The following EYS variants were observed in gnomAD, a reference collection of about 807,000 sequenced individuals.
EYS encodes the protein protein eyes shut homolog.
Under a neutral mutation model 282.1 loss-of-function variants are expected in EYS, and 250 were observed. That is an observed-to-expected ratio of 0.89 (90% CI 0.80 to 0.98). The LOEUF is 0.98. EYS is among the 50% of genes least tolerant of loss of function. The pLI, the probability that EYS is intolerant of heterozygous loss-of-function variation, is 0.00. For synonymous variants in EYS, 1,355 were observed against 1,282.9 expected (o/e 1.06, Z -1.20); for missense variants, 4,016 against 3,709.0 (o/e 1.08, Z -2.15).
chr6:65,384,357 C>T (rs1364397512), intron 8 of EYS, 29 bp downstream of exon 8: 2 of 1,277,966 alleles, frequency 1.6e-6, no homozygotes, highest in Non-Finnish European at 2.3e-6. Flanking sequence ...GAAGGGCTAA[C>T]TTATGTTGCC....
intron 12 of EYS, among the ~76,000 whole-genome samples, chr6:65,270,027 A>C (rs1212083230): frequency 6.6e-6 from 1 of 152,186 alleles, no homozygotes; most frequent in African/African-American, 2.4e-5. Flanking sequence ...AAAGTTTAAA[A>C]TGCAAAGTCT....
At chr6:64,270,298 G>A (rs1767899930) in intron 30 of EYS, among the ~76,000 whole-genome samples, 1 of 151,432 alleles carries the variant, frequency 6.6e-6, no homozygotes, top group Admixed American at 6.6e-5. Flanking sequence ...GTGTCATGGT[G>A]TATATACTTA....
At chr6:64,115,421 G>A (rs1773346728) in intron 31 of EYS, among the ~76,000 whole-genome samples, 1 of 152,044 alleles carries the variant, frequency 6.6e-6, no homozygotes, top group South Asian at 2.1e-4. Context: ...GCTGGACCTG[G>A]CACCAAGAAG....
At position 64,269,820 on chromosome 6, in the gene EYS, T is replaced by C. The variant is rs919376022; in HGVS notation, c.6191+37150A>G. On this transcript the variant is annotated intron_variant, in intron 30 of 42. Coordinates refer to ENST00000503581, the MANE Select transcript of EYS (RefSeq NM_001142800.2). Reference sequence around the variant, plus strand: ...TATATTTTTAATACTGCTAACTCTTTAATACATTCAAAAGTATATATATGC... The same window carrying C: ...TATATTTTTAATACTGCTAACTCTTCAATACATTCAAAAGTATATATATGC... Among the ~76,000 whole-genome samples the C allele has an allele frequency of 4.6e-5, 7 of 152,088 alleles. No homozygotes were observed. The South Asian group carries it at 8.3e-4, about 18-fold the overall frequency.
intron 26 of EYS, among the ~76,000 whole-genome samples, chr6:64,589,393 G>T (rs1342223100): frequency 2.6e-5 from 4 of 151,968 alleles, no homozygotes; most frequent in Admixed American, 6.6e-5. Flanking sequence ...TAAGTTTATT[G>T]TCAAAGGAAA....
intron 30 of EYS, among the ~76,000 whole-genome samples, chr6:64,303,944 A>AG (rs1266202634): frequency 2.0e-5 from 3 of 151,852 alleles, no homozygotes; most frequent in African/African-American, 7.3e-5. Context: ...AAGGAATGTA[A>AG]GGGAGTTTAT....
chr6:64,839,895 C>T (rs868418246), intron 19 of EYS, among the ~76,000 whole-genome samples: 4 of 152,066 alleles, frequency 2.6e-5, no homozygotes, highest in South Asian at 2.1e-4. Context: ...GATTTAATCA[C>T]TTCCCCCCAA....
At chr6:65,532,943 C>T (rs1267513827) in intron 2 of EYS, among the ~76,000 whole-genome samples, 1 of 152,012 alleles carries the variant, frequency 6.6e-6, no homozygotes, top group Non-Finnish European at 1.5e-5. Flanking sequence ...AAAAATATCT[C>T]TACAATTTAT....
intron 26 of EYS, among the ~76,000 whole-genome samples, chr6:64,470,504 A>T (rs900397706): frequency 1.3e-5 from 2 of 152,198 alleles, no homozygotes; most frequent in Non-Finnish European, 2.9e-5. Context: ...CACAGACTAG[A>T]TCGGGGTGTC....
chr6:65,399,392 T>G (rs1766408560), intron 7 of EYS, among the ~76,000 whole-genome samples: 1 of 151,980 alleles, frequency 6.6e-6, no homozygotes, highest in Non-Finnish European at 1.5e-5. Context: ...AAATCATTAT[T>G]ATAAACAAAT....
intron 26 of EYS, among the ~76,000 whole-genome samples, chr6:64,444,121 TTATC>T: frequency 6.6e-6 from 1 of 152,290 alleles, no homozygotes; most frequent in Non-Finnish European, 1.5e-5. Context: ...ATTTCTGAGA[TTATC>T]AATAGAAAAT....
At chr6:65,637,005 G>A (rs1005504431) in intron 2 of EYS, among the ~76,000 whole-genome samples, 17 of 152,020 alleles carry the variant, frequency 1.1e-4, no homozygotes, top group African/African-American at 3.1e-4. Flanking sequence ...ATTTTGTAGC[G>A]ATGGCATCCC....
intron 12 of EYS, among the ~76,000 whole-genome samples, chr6:65,092,185 G>A (rs1008960017): frequency 9.2e-5 from 14 of 151,988 alleles, no homozygotes; most frequent in Non-Finnish European, 1.3e-4. Context: ...ACTCAAGAAC[G>A]AAAATGAATA....
intron 19 of EYS, among the ~76,000 whole-genome samples, chr6:64,849,038 C>T (rs976018631): frequency 1.3e-5 from 2 of 151,780 alleles, no homozygotes; most frequent in Non-Finnish European, 2.9e-5. Context: ...CTAAATAATC[C>T]CTCCACACTA....
chr6:64,554,022 A>G (rs1765168579), intron 26 of EYS, among the ~76,000 whole-genome samples: 1 of 152,128 alleles, frequency 6.6e-6, no homozygotes, highest in Non-Finnish European at 1.5e-5. Context: ...ATTTTCTGTG[A>G]TAAGATTATG....
At chr6:64,292,712 A>C (rs1281582363) in intron 30 of EYS, among the ~76,000 whole-genome samples, 1 of 152,038 alleles carries the variant, frequency 6.6e-6, no homozygotes, top group Non-Finnish European at 1.5e-5. Context: ...TTTTGGAAAA[A>C]TTCAGGAAAA....
chr6:65,012,244 T>G (rs969848463), intron 13 of EYS, among the ~76,000 whole-genome samples: 2 of 152,188 alleles, frequency 1.3e-5, no homozygotes, highest in African/African-American at 4.8e-5. Context: ...GATTATTTGA[T>G]TCAAGAGAAA....
intron 30 of EYS, among the ~76,000 whole-genome samples, chr6:64,261,940 G>A (rs2150353402): frequency 6.6e-6 from 1 of 151,956 alleles, no homozygotes; most frequent in African/African-American, 2.4e-5. Context: ...ATATTTTGTA[G>A]AGAAGGTTTT....
At chr6:63,727,737 A>AAAAAAATATATATATATAT (rs1554164607) in intron 41 of EYS, among the ~76,000 whole-genome samples, 2 of 36,724 alleles carry the variant, frequency 5.4e-5, no homozygotes, top group Non-Finnish European at 8.5e-5. Context: ...AAAAAAAAAA[A>AAAAAAATATATATATATAT]ATATATATAT....
Sources: gnomAD v4.1 joint callset for allele counts (sites outside exome capture counted in the v4.1 genomes callset) on GRCh38, gnomAD v4.1.1 for gene constraint, MANE v1.5 for transcripts, NCBI Gene and HGNC (gene_info 2026-07-23, HGNC 2026-07-21) for gene names.